Variants in ZFP69 observed in about 807,000 individuals in gnomAD.
ZFP69 encodes the protein zinc finger protein 69 homolog.
A neutral mutation model predicts 48.9 loss-of-function variants in ZFP69; 35 were observed. The observed-to-expected ratio is 0.72, with a 90% CI of 0.55 to 0.95. The LOEUF is 0.95. Ranked by LOEUF, ZFP69 falls within the 40% of genes least tolerant of loss-of-function variation. The probability of loss-of-function intolerance (pLI) is 0.00; values close to 1 mark genes in which losing one functional copy is unlikely to be tolerated. For synonymous variants in ZFP69, 193 were observed against 216.8 expected (o/e 0.89, Z 0.96); for missense variants, 557 against 638.4 (o/e 0.87, Z 1.37).
chr1:40,483,226 ATT>A (rs56706952), intron 3 of ZFP69, among the ~76,000 whole-genome samples: 27 of 116,930 alleles, frequency 2.3e-4, no homozygotes, highest in African/African-American at 2.9e-4. Flanking sequence ...ACCTTTTTTA[ATT>A]TTTTTTTTTT....
At position 40,479,267 on chromosome 1, in the gene ZFP69, G is replaced by A; in HGVS notation, c.-95G>A. ...CCAGAGTCCTGAGGGCAGGTGATTG[G>A]AATCTGAGCAACACCCCACAACTGT... On this transcript the variant is annotated 5_prime_UTR_variant, in exon 2 of 6. Transcript: ENST00000372706. The A allele has an allele frequency of 6.4e-7, 1 of 1,568,962 alleles. No homozygotes were observed. The highest frequency in any genetic ancestry group is 2.3e-5 in the East Asian group (1 of 43,664).
In ZFP69 at chr1:40,495,811, G is replaced by A. The variant is rs1171738595; in HGVS notation, c.1333G>A (p.Gly445Arg). 1 of 1,614,158 alleles carries A rather than the reference G, an allele frequency of 6.2e-7. No individual in the cohort carries two copies. Reference sequence around the variant, plus strand: ...GAGACCCTACAAATGTAAAGAATGTGGAAAAGCCTTTAGGCAGAGGATACA... The same window carrying A: ...GAGACCCTACAAATGTAAAGAATGTAGAAAAGCCTTTAGGCAGAGGATACA... ...GERPYKCKECGKAFRQRIHLS... is the reference protein window; with the variant it reads ...GERPYKCKECRKAFRQRIHLS... The change falls in exon 6 of 6, where the codon GGA becomes AGA. Residue 445 changes from glycine (G) to arginine (R), a missense_variant. Physicochemically the swap from Gly to Arg is moderately radical, Grantham distance 125 (BLOSUM62 -2). Coordinates refer to ENST00000372706, the MANE Select transcript of ZFP69 (RefSeq NM_001320179.2).
In ZFP69 at chr1:40,494,920, G is replaced by T; in HGVS notation, c.443-1G>T. The T allele has an allele frequency of 1.2e-6, 2 of 1,601,502 alleles. No homozygotes were observed. Among genetic ancestry groups the T allele is most frequent in the South Asian group, 1.1e-5 (1 of 89,060 alleles). The stretch of plus-strand genomic sequence containing the variant: ...TTAAAGCTTTTTTTCATTTCTTTCA[G>T]ACTTGAAGAGTAAAATAGAAACCAT... On this transcript the variant is annotated splice_acceptor_variant, in intron 5 of 5. Transcript: ENST00000372706. LOFTEE classifies it high-confidence loss of function.
intron 5 of ZFP69, among the ~76,000 whole-genome samples, chr1:40,492,862 T>C (rs970206452): frequency 1.5e-4 from 23 of 152,232 alleles, no homozygotes; most frequent in African/African-American, 5.5e-4. Flanking sequence ...TTGTTGCTAC[T>C]GTAGATGGTA....
chr1:40,485,270 C>T (rs1049878656), intron 3 of ZFP69, among the ~76,000 whole-genome samples: 1 of 151,876 alleles, frequency 6.6e-6, no homozygotes, highest in Non-Finnish European at 1.5e-5. Flanking sequence ...AATATTAATT[C>T]AAAGTAACTG....
At chr1:40,482,652 A>G (rs1645453978) in intron 3 of ZFP69, among the ~76,000 whole-genome samples, 2 of 152,190 alleles carry the variant, frequency 1.3e-5, no homozygotes, top group Admixed American at 1.3e-4. Context: ...AGTTTAAAGT[A>G]AAAAGATGAA....
At position 40,489,819 on chromosome 1, in the gene ZFP69, C is replaced by CT. The variant is rs1645545304; in HGVS notation, c.442+196dup. Among the ~76,000 whole-genome samples, 3 of 151,064 alleles carry CT rather than the reference C, an allele frequency of 2.0e-5. No homozygotes were observed. The South Asian group carries it at 6.3e-4, about 32-fold the overall frequency. On this transcript the variant is annotated intron_variant, in intron 5 of 5. Transcript: ENST00000372706. ...TGAAAGGCATATCACATGGTGGGAG[C>CT]TGGAGCATGAGAGTGAAGGAGGAGG...
At chr1:40,481,897 G>C in intron 3 of ZFP69, 43 bp downstream of exon 3, 1 of 1,488,186 alleles carries the variant, frequency 6.7e-7, no homozygotes, top group Non-Finnish European at 9.3e-7. Context: ...TGCTTCTCCT[G>C]TTTTTAGGGT....
chr1:40,481,909 T>C (rs749474562), intron 3 of ZFP69, 55 bp downstream of exon 3: 121 of 1,399,444 alleles, frequency 8.6e-5, no homozygotes, highest in Non-Finnish European at 1.2e-4. Context: ...TTTTAGGGTA[T>C]ATAACCTGTC....
chr1:40,488,732 A>C (rs1003361044), intron 3 of ZFP69, among the ~76,000 whole-genome samples: 2 of 152,164 alleles, frequency 1.3e-5, no homozygotes, highest in South Asian at 4.1e-4. Flanking sequence ...CCGGTCAAAC[A>C]TCACCCTTTT....
chr1:40,485,762 GCTTTTT>G (rs1346884559), intron 3 of ZFP69, among the ~76,000 whole-genome samples: 4 of 152,134 alleles, frequency 2.6e-5, no homozygotes, highest in Non-Finnish European at 5.9e-5. Flanking sequence ...TAGGTTGACT[GCTTTTT>G]CTTTAAGTAG....
At chr1:40,487,290 T>G (rs72950089) in intron 3 of ZFP69, among the ~76,000 whole-genome samples, 10,138 of 152,206 alleles carry the variant, frequency 0.067, 562 homozygotes, top group African/African-American at 0.15. Flanking sequence ...CTTTTTTCAA[T>G]AAATATATTG....
In ZFP69 at chr1:40,495,378, A is replaced by T. The variant is rs1645620607; in HGVS notation, c.900A>T (p.Arg300Ser). ...MRIHTGEKPF[R>S]CKECGRAFSQ... ...TTCATACTGGTGAGAAACCTTTCAG[A>T]TGTAAGGAATGTGGAAGGGCCTTTA... Residue 300 changes from arginine (R) to serine (S), a missense_variant, in exon 6 of 6, where the codon AGA (arginine) becomes AGT (serine). Transcript: ENST00000372706. 1 of 1,614,104 alleles carries T rather than the reference A, an allele frequency of 6.2e-7. No individual in the cohort carries two copies.
chr1:40,483,797 C>A (rs2124444036), intron 3 of ZFP69, among the ~76,000 whole-genome samples: 1 of 152,260 alleles, frequency 6.6e-6, no homozygotes, highest in South Asian at 2.1e-4. Flanking sequence ...GCTTAAGTGG[C>A]CGGGCATGGT....
intron 5 of ZFP69, among the ~76,000 whole-genome samples, chr1:40,494,256 ATTTTTTTTTTTTTTTT>A (rs11286167): frequency 1.9e-5 from 1 of 52,032 alleles, no homozygotes; most frequent in Non-Finnish European, 3.3e-5. Flanking sequence ...AAGATTCAAA[ATTTTTTTTTTTTTTTT>A]TTTTTTTTTT....
intron 3 of ZFP69, 95 bp downstream of exon 3, chr1:40,481,949 G>C (rs1570016901): frequency 2.3e-6 from 2 of 873,058 alleles, no homozygotes; most frequent in African/African-American, 1.7e-5. Flanking sequence ...TGGTGGTGAG[G>C]TAGGGTATTA....
In ZFP69 at chr1:40,479,436, C is replaced by T. The variant is rs1037739031; in HGVS notation, c.75C>T (p.Ala25=). The T allele has an allele frequency of 4.0e-5, 64 of 1,613,892 alleles. No homozygotes were observed. The highest frequency in any genetic ancestry group is 5.1e-5 in the Non-Finnish European group (60 of 1,179,970). ...TGAAGCTGCAACATCCAAAGAAGGCCGTGGAGGGGGCGCCCCTGTGGGAGG... is the reference window on the plus strand; with the variant it reads ...TGAAGCTGCAACATCCAAAGAAGGCTGTGGAGGGGGCGCCCCTGTGGGAGG... ...TWVKLQHPKK[A]VEGAPLWEDV... is the part of the protein sequence containing the mutation. The change falls in exon 2 of 6, where the codon GCC becomes GCT. Residue 25 remains alanine, a synonymous_variant. Coordinates refer to ENST00000372706, the MANE Select transcript of ZFP69 (RefSeq NM_001320179.2).
At chr1:40,478,453 T>G (rs1300202843) in intron 1 of ZFP69, among the ~76,000 whole-genome samples, 1 of 152,210 alleles carries the variant, frequency 6.6e-6, no homozygotes, top group East Asian at 1.9e-4. Flanking sequence ...TCCAAGGAAC[T>G]TGCCAGCTGC....
chr1:40,495,588 G>A lies in ZFP69; in HGVS notation c.1110G>A (p.Leu370=). ...AAGCTTTCAGCCAGAACATTAGCTTGGTTCAACATTTGAGGACTCATTCTG... is the reference window on the plus strand; with the variant it reads ...AAGCTTTCAGCCAGAACATTAGCTTAGTTCAACATTTGAGGACTCATTCTG... ...CQKAFSQNIS[L]VQHLRTHSGE... Residue 370 remains leucine, a synonymous_variant, in exon 6 of 6, where the codon TTG becomes TTA. Transcript: ENST00000372706. The A allele has an allele frequency of 6.2e-7, 1 of 1,614,186 alleles. No individual in the cohort carries two copies. The highest frequency in any genetic ancestry group is 1.1e-5 in the South Asian group (1 of 91,086).
Sources: allele counts gnomAD v4.1 joint callset (sites outside exome capture counted in the v4.1 genomes callset), GRCh38; gene constraint gnomAD v4.1.1; transcripts MANE v1.5; gene names NCBI Gene and HGNC (gene_info 2026-07-23, HGNC 2026-07-21).